The following PPP1R13L variants were observed in gnomAD, a reference collection of about 807,000 sequenced individuals.
PPP1R13L encodes protein phosphatase 1 regulatory subunit 13 like.
A neutral mutation model predicts 80.9 loss-of-function variants in PPP1R13L; 50 were observed. That is an observed-to-expected ratio of 0.62 (90% confidence interval 0.49 to 0.78). The LOEUF (loss-of-function observed/expected upper bound fraction) is 0.78, where lower values mean the gene tolerates loss of function less well. Ranked by LOEUF, PPP1R13L falls within the 30% of genes least tolerant of loss-of-function variation. The pLI is 0.00. For synonymous variants in PPP1R13L, 602 were observed against 534.3 expected (o/e 1.13, Z -1.75); for missense variants, 1,200 against 1,205.9 (o/e 1.00, Z 0.07).
At chr19:45,397,129 G>T in intron 3 of PPP1R13L, 71 bp from the exon 4 acceptor site, 4 of 1,193,416 alleles carry the variant, frequency 3.4e-6, no homozygotes, top group Non-Finnish European at 4.2e-6. Context: ...GTGTGGGCGG[G>T]GGTGTCAAGA....
In PPP1R13L at chr19:45,398,248, C is replaced by T. The variant is rs1269097318; in HGVS notation, c.55+16G>A. On this transcript the variant is annotated intron_variant, in intron 2 of 12. Coordinates refer to ENST00000360957, the MANE Select transcript of PPP1R13L (RefSeq NM_006663.4). The stretch of plus-strand genomic sequence containing the variant: ...AGGTCCCCGCCTCGCCAGCCCCGCC[C>T]CCTACTCCAGCTTACACTGGAAGTT... 2.5e-6 allele frequency: 4 copies of T among 1,613,758 alleles called. No homozygotes were observed. In the East Asian group the frequency reaches 6.7e-5, roughly 27 times the overall value.
chr19:45,396,987 G>T lies in PPP1R13L; in HGVS notation c.270C>A (p.Thr90=), dbSNP rs759682200. Residue 90 remains threonine, a synonymous_variant, in exon 4 of 13, where the codon ACC becomes ACA. Transcript: ENST00000360957. The surrounding 1 kb of genome is among the most constrained non-coding windows in gnomAD (Gnocchi z 5.3). ...GSRGSPRKAA[T]DGADTPFGRS... ...GTCCGAACGGGGTGTCTGCGCCGTC[G>T]GTGGCCGCCTTCCGGGGGGACCCTC... The T allele has an allele frequency of 1.4e-6, 2 of 1,381,752 alleles. No individual in the cohort carries two copies. The highest frequency in any genetic ancestry group is 1.8e-5 in the South Asian group (1 of 55,178). The allele number at this position is 1,381,752 out of a possible 1,614,324, so 85.6% of individuals were successfully genotyped here.
chr19:45,399,442 G>GCA (rs1973187167), intron 1 of PPP1R13L, among the ~76,000 whole-genome samples: 1 of 148,364 alleles, frequency 6.7e-6, no homozygotes, highest in Non-Finnish European at 1.5e-5. Context: ...GGCTAACATG[G>GCA]TGAAACCCCG....
At chr19:45,383,291 G>GA (rs1177919142) in intron 11 of PPP1R13L, among the ~76,000 whole-genome samples, 1 of 116,758 alleles carries the variant, frequency 8.6e-6, no homozygotes, top group African/African-American at 3.6e-5. Flanking sequence ...ACCGCGCCCG[G>GA]CCTTTTTTTT....
intron 12 of PPP1R13L, 139 bp downstream of exon 12, chr19:45,382,388 G>A: frequency 1.0e-6 from 1 of 994,156 alleles, no homozygotes; most frequent in Non-Finnish European, 1.5e-6. Flanking sequence ...TCCTCCCCAT[G>A]AGCAATAATG....
chr19:45,398,736 A>AT (rs1162188267), intron 1 of PPP1R13L, among the ~76,000 whole-genome samples: 1 of 151,066 alleles, frequency 6.6e-6, no homozygotes, highest in Admixed American at 6.6e-5. Flanking sequence ...AGCGCGCGCC[A>AT]TTATGCCCGG....
rs769941410 is a variant in PPP1R13L at position 45,398,147 on chromosome 19, G to C, written c.56C>G (p.Ser19Trp). The change falls in exon 3 of 13, where the codon TCG becomes TGG. Residue 19 changes from serine (S) to tryptophan (W), a missense_variant and splice_region_variant. By Grantham distance (177) the Ser-to-Trp change is radical. Coordinates refer to ENST00000360957, the MANE Select transcript of PPP1R13L (RefSeq NM_006663.4). ...ARDFLDMNFQ[S>W]LAMKHMDLKQ... ...CAGATCCATGTGTTTCATGGCCAGC[G>C]CTGGGAAGGTGGGAGTGGAGGTAAG... is the stretch of plus-strand genomic sequence containing the variant. The C allele has an allele frequency of 1.4e-5, 23 of 1,613,720 alleles. No individual in the cohort carries two copies. Among genetic ancestry groups the C allele is most frequent in the Non-Finnish European group, 1.8e-5 (21 of 1,179,712 alleles).
At chr19:45,388,103 A>G (rs950330405) in intron 8 of PPP1R13L, among the ~76,000 whole-genome samples, 1 of 152,004 alleles carries the variant, frequency 6.6e-6, no homozygotes, top group Non-Finnish European at 1.5e-5. Flanking sequence ...CAGGAGGCAC[A>G]GTTATAGTGA....
rs999624095 is a variant in PPP1R13L at position 45,384,190 on chromosome 19, C to T, written c.2248+1372G>A. ...GAACTTCCAGATTCAAGCAATCCTC[C>T]TGCCTCAGCCTCCTCCTGATTCTTT... is the stretch of plus-strand genomic sequence containing the variant. On this transcript the variant is annotated intron_variant, in intron 11 of 12. Transcript: ENST00000360957. Among the ~76,000 whole-genome samples, 3 of 151,832 alleles carry T rather than the reference C, an allele frequency of 2.0e-5. No individual in the cohort carries two copies. The East Asian group carries it at 5.8e-4, about 29-fold the overall frequency.
intron 8 of PPP1R13L, among the ~76,000 whole-genome samples, chr19:45,391,201 A>G (rs1342142280): frequency 6.8e-6 from 1 of 146,434 alleles, no homozygotes; most frequent in African/African-American, 2.6e-5. Context: ...CTGCCTGGAA[A>G]AAAAAAAAAA....
chr19:45,392,330 T>C lies in PPP1R13L; in HGVS notation c.1365A>G (p.Lys455=), dbSNP rs1259585737. 2 of 1,612,854 alleles carry C rather than the reference T, an allele frequency of 1.2e-6. No homozygotes were observed. The highest frequency in any genetic ancestry group is 1.1e-5 in the South Asian group (1 of 91,058). Residue 455 remains lysine, a synonymous_variant, in exon 8 of 13, where the codon AAA becomes AAG. Transcript: ENST00000360957. ...TWPPVNEGPP[K]PPTELEPEPE... is the part of the protein sequence containing the mutation. ...GCTCAGGCTCCAGCTCGGTGGGGGG[T>C]TTGGGGGGTCCTAGCCGGAACAAGA...
chr19:45,402,051 T>C (rs1319186614), intron 1 of PPP1R13L: 1 of 152,194 alleles, frequency 6.6e-6, no homozygotes, highest in Non-Finnish European at 1.5e-5. Flanking sequence ...ATAGGACTAC[T>C]GTAAGAATCC....
At position 45,380,145 on chromosome 19, in the gene PPP1R13L, A is replaced by G; in HGVS notation, c.*45T>C. Reference sequence around the variant, plus strand: ...AGAGGGAGAGGTCTGGAGGGAAGGCAGGAATGCTTGTTTCTGTCAGCCTCA... The same window carrying G: ...AGAGGGAGAGGTCTGGAGGGAAGGCGGGAATGCTTGTTTCTGTCAGCCTCA... On this transcript the variant is annotated 3_prime_UTR_variant, in exon 13 of 13. Coordinates refer to ENST00000360957, the MANE Select transcript of PPP1R13L (RefSeq NM_006663.4). 2 of 1,606,644 alleles carry G rather than the reference A, an allele frequency of 1.2e-6. No individual in the cohort carries two copies. Among genetic ancestry groups the G allele is most frequent in the Non-Finnish European group, 1.7e-6 (2 of 1,173,514 alleles).
chr19:45,383,050 A>G (rs1451055605), intron 11 of PPP1R13L, among the ~76,000 whole-genome samples: 1 of 140,868 alleles, frequency 7.1e-6, no homozygotes, highest in African/African-American at 2.8e-5. Flanking sequence ...GCTGGAGTGC[A>G]GTGGCACGAT....
At position 45,395,619 on chromosome 19, in the gene PPP1R13L, TG is replaced by T; in HGVS notation, c.1170del (p.Met391CysfsTer59). ...NAFWEHGASRAMLPGSPLFTR... is the reference protein window; with the variant it reads ...NAFWEHGASRXMLPGSPLFTR... Reference sequence around the variant, plus strand: ...GTGAAGAGGGGGGACCCAGGGAGCATGGCGCGGCTGGCCCCGTGCTCCCAGA... The same window carrying T: ...GTGAAGAGGGGGGACCCAGGGAGCATGCGCGGCTGGCCCCGTGCTCCCAGA... On this transcript the variant is annotated frameshift_variant, in exon 7 of 13. Coordinates refer to ENST00000360957, the MANE Select transcript of PPP1R13L (RefSeq NM_006663.4). LOFTEE classifies it high-confidence loss of function. 7.0e-7 allele frequency: 1 copy of T among 1,430,508 alleles called. No individual in the cohort carries two copies. Among genetic ancestry groups the T allele is most frequent in the Non-Finnish European group, 9.2e-7 (1 of 1,091,716 alleles). The allele number at this position is 1,430,508 out of a possible 1,614,324, so 88.6% of individuals were successfully genotyped here.
intron 12 of PPP1R13L, 79 bp from the exon 13 acceptor site, chr19:45,380,307 C>A: frequency 6.5e-7 from 1 of 1,542,010 alleles, no homozygotes; most frequent in Non-Finnish European, 9.0e-7. Flanking sequence ...CTGTCTCTAT[C>A]CTCCCACCCC....
chr19:45,401,792 T>C (rs1973237481), intron 1 of PPP1R13L, among the ~76,000 whole-genome samples: 1 of 136,244 alleles, frequency 7.3e-6, no homozygotes, highest in African/African-American at 3.0e-5. Flanking sequence ...GAGTAAGAAG[T>C]CAGACTTCAA....
intron 1 of PPP1R13L, among the ~76,000 whole-genome samples, chr19:45,401,532 ATGAGCC>A: frequency 6.6e-6 from 1 of 152,040 alleles, no homozygotes; most frequent in Non-Finnish European, 1.5e-5. Context: ...TTTAATCTCT[ATGAGCC>A]CCAGACTTTC....
rs1283289894 is a variant in PPP1R13L, at chr19:45,385,626, GGCGCC to G, written c.2179_2183del (p.Gly727HisfsTer15). 7 of 1,613,104 alleles carry G rather than the reference GGCGCC, an allele frequency of 4.3e-6. No individual in the cohort carries two copies. Among genetic ancestry groups the G allele is most frequent in the Admixed American group, 1.7e-5 (1 of 59,974 alleles). On this transcript the variant is annotated frameshift_variant, in exon 11 of 13. Transcript: ENST00000360957. LOFTEE classifies it high-confidence loss of function. ...AAGGGTCGCACTTCTCGAAGGCGGT[GGCGCC>G]GTCGCTGAGCGTGGTGGCGAAGATT...
Sources: allele counts gnomAD v4.1 joint callset (sites outside exome capture counted in the v4.1 genomes callset), GRCh38; gene constraint gnomAD v4.1.1; non-coding constraint Gnocchi (gnomAD v3.1); transcripts MANE v1.5; gene names NCBI Gene and HGNC (gene_info 2026-07-23, HGNC 2026-07-21).